The following CD6 variants were observed in gnomAD, a reference collection of about 807,000 sequenced individuals.
The protein encoded by CD6 is CD6 molecule.
CD6 carries 53 observed loss-of-function variants against 75.3 expected under a neutral mutation model. That is an observed-to-expected ratio of 0.70 (90% CI 0.56 to 0.88). CD6 has a LOEUF of 0.88. Ranked by LOEUF, CD6 falls within the 40% of genes least tolerant of loss-of-function variation. The pLI, the probability that CD6 is intolerant of heterozygous loss-of-function variation, is 0.00. For synonymous variants in CD6, 359 were observed against 381.5 expected, an observed-to-expected ratio of 0.94 and a Z score of 0.69; for missense variants, 770 against 897.1, an observed-to-expected ratio of 0.86 and a Z score of 1.81.
Position 60,982,160 on chromosome 11 carries a change from G to A in CD6, c.49+10246G>A, listed in dbSNP as rs376090581. On this transcript the variant is annotated intron_variant, in intron 1 of 12. Transcript: ENST00000313421. ...GGGGCTGGGGACCAGGGTCATGTGG[G>A]GACACAGGCTGTAAGAGTGACGAGG... Among the ~76,000 whole-genome samples, 6 of 151,926 alleles carry A rather than the reference G, an allele frequency of 3.9e-5. No homozygotes were observed. In the East Asian group the frequency reaches 1.2e-3, roughly 30 times the overall value.
intron 1 of CD6, among the ~76,000 whole-genome samples, chr11:60,984,315 C>G (rs1036265080): frequency 6.6e-6 from 1 of 152,112 alleles, no homozygotes; most frequent in Non-Finnish European, 1.5e-5. Context: ...TGACTCGGCT[C>G]TCTTTGCTGC....
intron 1 of CD6, among the ~76,000 whole-genome samples, chr11:60,993,928 A>AG (rs1858166934): frequency 6.6e-6 from 1 of 152,142 alleles, no homozygotes; most frequent in Non-Finnish European, 1.5e-5. Flanking sequence ...TTGGGAGAGG[A>AG]GGGGGAGTCC....
intron 1 of CD6, among the ~76,000 whole-genome samples, chr11:61,003,126 G>A (rs540675743): frequency 1.6e-4 from 25 of 152,088 alleles, no homozygotes; most frequent in African/African-American, 5.3e-4. Context: ...CACCACACCC[G>A]ACTAATTTTT....
At chr11:60,983,023 A>C (rs1304565739) in intron 1 of CD6, among the ~76,000 whole-genome samples, 1 of 151,284 alleles carries the variant, frequency 6.6e-6, no homozygotes, top group Non-Finnish European at 1.5e-5. Flanking sequence ...TGCTGGCTTC[A>C]TGTAGCTACT....
At chr11:61,010,750 C>T (rs1859100419) in intron 5 of CD6, among the ~76,000 whole-genome samples, 1 of 152,196 alleles carries the variant, frequency 6.6e-6, no homozygotes, top group African/African-American at 2.4e-5. Context: ...CTTCATCTCC[C>T]TAGGCTGATT....
At chr11:60,995,962 G>A (rs1017973946) in intron 1 of CD6, among the ~76,000 whole-genome samples, 3 of 152,042 alleles carry the variant, frequency 2.0e-5, no homozygotes, top group African/African-American at 7.2e-5. Context: ...AAGCCTCCAG[G>A]GTTGTCAAAA....
Position 61,018,374 on chromosome 11 carries a change from G to T in CD6, c.1923G>T (p.Glu641Asp). Residue 641 changes from glutamate to aspartate, a missense_variant, in exon 12 of 13, where the codon GAG becomes GAT. Transcript: ENST00000313421. ...AGCCACCACCCCAGCCCCCTTCGGA[G>T]GAGCAGTTTGGCTGTCCAGGTGCCA... ...NFQPPPQPPS[E>D]EQFGCPGSPS... 1 of 1,598,216 alleles carries T rather than the reference G, an allele frequency of 6.3e-7. No homozygotes were observed. Among genetic ancestry groups the T allele is most frequent in the Non-Finnish European group, 8.5e-7 (1 of 1,171,934 alleles).
chr11:60,975,692 C>T (rs573683224), intron 1 of CD6, among the ~76,000 whole-genome samples: 1 of 152,134 alleles, frequency 6.6e-6, no homozygotes, highest in East Asian at 1.9e-4. Flanking sequence ...CCCAGCTACT[C>T]GGAAGGCTGA....
chr11:61,009,665 G>A lies in CD6; in HGVS notation c.875G>A (p.Ser292Asn). The change falls in exon 5 of 13, where the codon AGT (serine) becomes AAT (asparagine). Residue 292 changes from serine (S) to asparagine (N), a missense_variant. Transcript: ENST00000313421. ...FRGVWNTVCD[S>N]EWYPSEAKVL... is the part of the protein sequence containing the mutation. The stretch of plus-strand genomic sequence containing the variant: ...GGGGTCTGGAACACAGTGTGTGACA[G>A]TGAGTGGTACCCATCGGAGGCCAAG... The A allele has an allele frequency of 6.2e-7, 1 of 1,614,086 alleles. No individual in the cohort carries two copies. Among genetic ancestry groups the A allele is most frequent in the Non-Finnish European group, 8.5e-7 (1 of 1,180,028 alleles).
chr11:61,018,976 G>C (rs1471222934), intron 12 of CD6: 1 of 405,038 alleles, frequency 2.5e-6, no homozygotes, highest in Admixed American at 4.0e-5. Context: ...TGGCTCCTTG[G>C]GGGAGACTGT....
At chr11:60,994,544 C>T (rs1462475107) in intron 1 of CD6, among the ~76,000 whole-genome samples, 1 of 148,992 alleles carries the variant, frequency 6.7e-6, no homozygotes, top group African/African-American at 2.5e-5. Flanking sequence ...TTCCATCCGT[C>T]TCTGTCAATT....
intron 1 of CD6, among the ~76,000 whole-genome samples, chr11:61,002,197 TTGATTCAGCCGTTTCCCCTGTGAA>T (rs1565153236): frequency 1.3e-5 from 2 of 152,208 alleles, no homozygotes; most frequent in African/African-American, 4.8e-5. Flanking sequence ...TGGACCGTAA[TTGATTCAGCCGTTTCCCCTGTGAA>T]TGGGCATTCA....
chr11:61,009,119 A>T (rs1859020786), intron 4 of CD6, among the ~76,000 whole-genome samples: 1 of 151,810 alleles, frequency 6.6e-6, no homozygotes, highest in African/African-American at 2.4e-5. Context: ...TAAAAGTGAG[A>T]CTCTTCCCGA....
intron 1 of CD6, 85 bp from the exon 2 acceptor site, chr11:61,006,489 G>A: frequency 8.8e-7 from 1 of 1,134,610 alleles, no homozygotes; most frequent in Non-Finnish European, 1.3e-6. Context: ...CAGGCTCCAG[G>A]AAGTGCCCCC....
chr11:60,989,115 G>A (rs1388522158), intron 1 of CD6, among the ~76,000 whole-genome samples: 1 of 152,160 alleles, frequency 6.6e-6, no homozygotes, highest in Non-Finnish European at 1.5e-5. Context: ...CTTGTTGAGG[G>A]CGCCTGAAGA....
chr11:60,979,361 G>T (rs1857481463), intron 1 of CD6, among the ~76,000 whole-genome samples: 2 of 152,308 alleles, frequency 1.3e-5, no homozygotes, highest in South Asian at 4.1e-4. Flanking sequence ...TTTGCCTGGG[G>T]GTTGCCCTGC....
At chr11:61,017,344 A>G (rs1351303213) in intron 9 of CD6, 135 bp from the exon 10 acceptor site, 3 of 667,466 alleles carry the variant, frequency 4.5e-6, no homozygotes. Flanking sequence ...GGAAATGCTA[A>G]GCCCTCTCTG....
chr11:60,993,529 C>CA (rs1858151978), intron 1 of CD6, among the ~76,000 whole-genome samples: 2 of 145,538 alleles, frequency 1.4e-5, no homozygotes, highest in African/African-American at 2.4e-5. Flanking sequence ...ATCACCCACC[C>CA]GTGCACTCTT....
In CD6 at chr11:61,019,580, G is replaced by A. The variant is rs529555090; in HGVS notation, c.*262G>A. The A allele has an allele frequency of 4.1e-4, 159 of 391,496 alleles. No homozygotes were observed. The highest frequency in any genetic ancestry group is 2.1e-3 in the African/African-American group (104 of 48,992). The allele number at this position is 391,496 out of a possible 1,614,324, so 24.3% of individuals were successfully genotyped here. On this transcript the variant is annotated 3_prime_UTR_variant, in exon 13 of 13. Coordinates refer to ENST00000313421, the MANE Select transcript of CD6 (RefSeq NM_006725.5). ...CCAAGAGGTGTGAGCCCTCTGTCTC[G>A]GGGATGAACAAGCAGAGTCTGGGCT...
Sources: gnomAD v4.1 joint callset for allele counts (sites outside exome capture counted in the v4.1 genomes callset) on GRCh38, gnomAD v4.1.1 for gene constraint, MANE v1.5 for transcripts, NCBI Gene and HGNC (gene_info 2026-07-23, HGNC 2026-07-21) for gene names.